CEACAM18: variants seen among roughly 807,000 people sequenced by gnomAD.
CEACAM18 encodes CEA cell adhesion molecule 18.
In CEACAM18, 33 loss-of-function variants were observed where a neutral mutation model predicts 34.3. The observed-to-expected ratio is 0.96, with a 90% CI of 0.73 to 1.29. The LOEUF (loss-of-function observed/expected upper bound fraction) is 1.29, where lower values mean the gene tolerates loss of function less well. CEACAM18 is among the 50% of genes most tolerant of loss of function. The pLI is 0.00. For synonymous variants in CEACAM18, 169 were observed against 180.9 expected (o/e 0.93, Z 0.53); for missense variants, 474 against 485.0 (o/e 0.98, Z 0.21).
chr19:51,480,010 T>C (rs1395723372), intron 1 of CEACAM18, among the ~76,000 whole-genome samples: 1 of 152,028 alleles, frequency 6.6e-6, no homozygotes, highest in East Asian at 1.9e-4. Flanking sequence ...TGGGGAGCCA[T>C]GGAAGGTGTT....
chr19:51,484,180 A>G, intron 4 of CEACAM18, among the ~76,000 whole-genome samples: 1 of 152,168 alleles, frequency 6.6e-6, no homozygotes, highest in Non-Finnish European at 1.5e-5. Flanking sequence ...TGGTCTCCAG[A>G]CTTTACTTCA....
chr19:51,488,271 A>T (rs1990036930), intron 5 of CEACAM18, among the ~76,000 whole-genome samples: 1 of 152,178 alleles, frequency 6.6e-6, no homozygotes, highest in Admixed American at 6.5e-5. Context: ...GAATGATATG[A>T]TGGTATTAAT....
intron 5 of CEACAM18, 68 bp from the exon 6 acceptor site, chr19:51,490,519 C>G: frequency 8.2e-7 from 1 of 1,217,566 alleles, no homozygotes; most frequent in Non-Finnish European, 1.0e-6. Flanking sequence ...TCACCTCTCT[C>G]TATCCAGGAC....
intron 5 of CEACAM18, among the ~76,000 whole-genome samples, chr19:51,485,852 A>G (rs1204148666): frequency 1.3e-5 from 2 of 152,208 alleles, no homozygotes; most frequent in African/African-American, 4.8e-5. Flanking sequence ...TTTTTCCATT[A>G]GATGCTAGTG....
intron 5 of CEACAM18, among the ~76,000 whole-genome samples, chr19:51,490,035 C>A (rs1034374191): frequency 6.6e-5 from 10 of 152,154 alleles, no homozygotes; most frequent in African/African-American, 2.2e-4. Context: ...GGGGCCTCCC[C>A]TCCGATATGA....
chr19:51,482,656 A>G (rs1989935873), intron 3 of CEACAM18, among the ~76,000 whole-genome samples: 1 of 152,194 alleles, frequency 6.6e-6, no homozygotes. Flanking sequence ...ATTGTTTTCC[A>G]TCTATAAAAT....
rs79406994 is a variant in CEACAM18, at chr19:51,485,800, G to T, written c.1089+678G>T. Among the ~76,000 whole-genome samples the T allele has an allele frequency of 1.1e-4, 16 of 152,328 alleles. No homozygotes were observed. The East Asian group carries it at 2.9e-3, about 28-fold the overall frequency. On this transcript the variant is annotated intron_variant, in intron 5 of 5. Transcript: ENST00000396477. The stretch of plus-strand genomic sequence containing the variant: ...CTGATGGGGAAGAGGAGGTAGTAAG[G>T]CTGTCCTGTGCATTGTGGGACATTT...
exon 6 of CEACAM18, chr19:51,490,688 A>AGG: frequency 8.8e-7 from 1 of 1,141,242 alleles, no homozygotes; most frequent in Non-Finnish European, 1.1e-6. Context: ...GGGTCCCCAT[A>AGG]GGGCCAGCGA....
At chr19:51,480,573 G>A (rs757427511) in exon 2 of CEACAM18, 8 of 1,613,884 alleles carry the variant, frequency 5.0e-6, no homozygotes, top group African/African-American at 1.3e-5. Context: ...AACAGAGAAG[G>A]CAGCCTGTTG....
chr19:51,481,551 G>A (rs771179357), exon 3 of CEACAM18: 36 of 1,613,808 alleles, frequency 2.2e-5, no homozygotes, highest in Non-Finnish European at 3.0e-5. Flanking sequence ...TTCCCCAGAC[G>A]GCAAGACCCT....
intron 4 of CEACAM18, among the ~76,000 whole-genome samples, chr19:51,484,292 A>C (rs62115075): frequency 0.2 from 29,634 of 150,922 alleles, 3,053 homozygotes; most frequent in Middle Eastern, 0.36. Flanking sequence ...GGACTACAAG[A>C]TTCAGGAGGG....
At chr19:51,480,397 G>T in exon 2 of CEACAM18, 1 of 1,613,018 alleles carries the variant, frequency 6.2e-7, no homozygotes, top group Non-Finnish European at 8.5e-7. Context: ...AAACCCTGGG[G>T]ATCAAGGGAT....
chr19:51,482,395 C>T (rs1989931990), intron 3 of CEACAM18, among the ~76,000 whole-genome samples: 2 of 152,222 alleles, frequency 1.3e-5, no homozygotes, highest in Non-Finnish European at 2.9e-5. Context: ...TTTCACGTCT[C>T]CTGGAACTAC....
intron 1 of CEACAM18, 54 bp from the exon 2 acceptor site, chr19:51,480,279 C>G: frequency 7.3e-7 from 1 of 1,371,642 alleles, no homozygotes; most frequent in East Asian, 2.5e-5. Context: ...TCTTCTCAGC[C>G]AGTCTGAATC....
chr19:51,490,614 C>T, exon 6 of CEACAM18: 1 of 1,232,422 alleles, frequency 8.1e-7, no homozygotes, highest in Non-Finnish European at 1.0e-6. Context: ...GAGTGTCCAC[C>T]CCAGACCTGA....
At chr19:51,487,904 C>T (rs1990031878) in intron 5 of CEACAM18, among the ~76,000 whole-genome samples, 1 of 152,170 alleles carries the variant, frequency 6.6e-6, no homozygotes, top group African/African-American at 2.4e-5. Flanking sequence ...GTAAAAAATC[C>T]AGCTCCTCAG....
downstream of CEACAM18, chr19:51,491,053 A>G (rs1990085012): frequency 6.1e-6 from 1 of 162,962 alleles, no homozygotes; most frequent in African/African-American, 2.4e-5. Context: ...CTCAGTGCCG[A>G]ATGAGAGAAG....
At chr19:51,487,263 C>A (rs1339903905) in intron 5 of CEACAM18, among the ~76,000 whole-genome samples, 1 of 151,976 alleles carries the variant, frequency 6.6e-6, no homozygotes, top group African/African-American at 2.4e-5. Flanking sequence ...TTACTTGAGC[C>A]CAGGAGTTCA....
intron 5 of CEACAM18, 112 bp downstream of exon 5, chr19:51,485,234 A>G: frequency 8.9e-7 from 1 of 1,119,260 alleles, no homozygotes. Context: ...ATAAGCCAGG[A>G]ACTAGGTTGT....
Sources: allele counts gnomAD v4.1 joint callset (sites outside exome capture counted in the v4.1 genomes callset), GRCh38; gene constraint gnomAD v4.1.1; transcripts MANE v1.5; gene names NCBI Gene and HGNC (gene_info 2026-07-23, HGNC 2026-07-21).